XXYLT1: variants seen among roughly 807,000 people sequenced by gnomAD.
XXYLT1 encodes UDP-xylose:alpha-xyloside alpha-1,3-xylosyltransferase.
A neutral mutation model predicts 28.9 loss-of-function variants in XXYLT1; 20 were observed. The observed-to-expected ratio is 0.69, with a 90% confidence interval of 0.49 to 1.00. XXYLT1 has a LOEUF of 1.00. Ranked by LOEUF, XXYLT1 falls within the 50% of genes least tolerant of loss-of-function variation. The pLI is 0.00. For missense variants in XXYLT1, 542 were observed against 560.1 expected, an observed-to-expected ratio of 0.97 and a Z score of 0.33; for synonymous variants, 257 against 253.8, an observed-to-expected ratio of 1.01 and a Z score of -0.12.
Position 195,115,337 on chromosome 3 carries a change from T to C in XXYLT1, c.785+41112A>G, listed in dbSNP as rs1317320704. 6.6e-6 allele frequency among the ~76,000 whole-genome samples: 1 copy of C among 152,106 alleles called. No individual in the cohort carries two copies. Among genetic ancestry groups the C allele is most frequent in the Non-Finnish European group, 1.5e-5 (1 of 68,014 alleles). ...AACTCCATAATCCTCAGACCTCAAC[T>C]TAGACTGTTCATCCTTCAGCCTCCT... On this transcript the variant is annotated intron_variant, in intron 3 of 3. Coordinates refer to ENST00000310380, the MANE Select transcript of XXYLT1 (RefSeq NM_152531.5). This position sits in a 1 kb window ranked among gnomAD's most constrained non-coding sequence, Gnocchi z 4.2.
intron 3 of XXYLT1, among the ~76,000 whole-genome samples, chr3:195,081,546 C>T (rs1715435405): frequency 6.6e-6 from 1 of 151,860 alleles, no homozygotes; most frequent in Non-Finnish European, 1.5e-5. Flanking sequence ...AGTGCACATA[C>T]AGGTTAAGAA....
At chr3:195,270,508 G>A (rs772875228) in intron 1 of XXYLT1, 47 bp downstream of exon 1, 1 of 1,359,090 alleles carries the variant, frequency 7.4e-7, no homozygotes, top group Admixed American at 3.7e-5. Flanking sequence ...CCTCGCCTAG[G>A]ATGGGGTGGG....
At chr3:195,112,953 A>T (rs1451517341) in intron 3 of XXYLT1, among the ~76,000 whole-genome samples, 1 of 152,224 alleles carries the variant, frequency 6.6e-6, no homozygotes, top group East Asian at 1.9e-4. Context: ...TCAAGAGAAC[A>T]TGGGTTTCAA....
At chr3:195,204,816 G>T (rs1723004197) in intron 2 of XXYLT1, among the ~76,000 whole-genome samples, 1 of 152,184 alleles carries the variant, frequency 6.6e-6, no homozygotes. Context: ...GTGAATAAAT[G>T]TCTACAGCCC....
At position 195,270,660 on chromosome 3, in the gene XXYLT1, C is replaced by T. The variant is rs1725992538; in HGVS notation, c.399G>A (p.Ala133=). 6.3e-7 allele frequency: 1 copy of T among 1,580,012 alleles called. No homozygotes were observed. The change falls in exon 1 of 4, where the codon GCG becomes GCA. Residue 133 remains alanine (A), a synonymous_variant. Coordinates refer to ENST00000310380, the MANE Select transcript of XXYLT1 (RefSeq NM_152531.5). ...CGAAGTGAAGGTTAAGCACCTCGTG[C>T]GCCTCGAACTTGGCGAGGCGCAGCA... is the stretch of plus-strand genomic sequence containing the variant. ...RSLLRLAKFE[A]HEVLNLHFVS...
chr3:195,198,522 G>A (rs912876783), intron 2 of XXYLT1, among the ~76,000 whole-genome samples: 4 of 152,098 alleles, frequency 2.6e-5, no homozygotes, highest in Admixed American at 2.6e-4. Flanking sequence ...CTTCCCAACC[G>A]AAGCCACCCT....
At chr3:195,224,596 T>G (rs866565615) in intron 2 of XXYLT1, among the ~76,000 whole-genome samples, 1 of 152,146 alleles carries the variant, frequency 6.6e-6, no homozygotes, top group Non-Finnish European at 1.5e-5. Flanking sequence ...GTATTTCACC[T>G]CCTGCTGGGT....
intron 1 of XXYLT1, among the ~76,000 whole-genome samples, chr3:195,233,909 C>T (rs571447568): frequency 6.6e-6 from 1 of 152,118 alleles, no homozygotes; most frequent in South Asian, 2.1e-4. Flanking sequence ...ATCCCTTTAG[C>T]ATTTTTGTTT....
chr3:195,100,111 C>CT (rs1172047899), intron 3 of XXYLT1, among the ~76,000 whole-genome samples: 1 of 152,162 alleles, frequency 6.6e-6, no homozygotes, highest in Non-Finnish European at 1.5e-5. Flanking sequence ...ATAAAGCTGT[C>CT]TGAGATCCTG....
intron 2 of XXYLT1, among the ~76,000 whole-genome samples, chr3:195,206,676 GGA>G (rs1723085785): frequency 6.6e-6 from 1 of 151,938 alleles, no homozygotes; most frequent in African/African-American, 2.4e-5. Flanking sequence ...GGCTGAGGCA[GGA>G]GAGTCACTTG....
chr3:195,158,152 C>T (rs1025877707), intron 2 of XXYLT1, among the ~76,000 whole-genome samples: 3 of 152,196 alleles, frequency 2.0e-5, no homozygotes, highest in African/African-American at 7.2e-5. Context: ...AAGCCCACCA[C>T]CTGCTACAGG....
intron 1 of XXYLT1, chr3:195,260,227 G>A (rs1288749024): frequency 6.6e-6 from 1 of 150,550 alleles, no homozygotes; most frequent in Non-Finnish European, 1.5e-5. Context: ...GGCCGCGCGG[G>A]GCACTGCACT....
chr3:195,232,675 G>T (rs1478299409), intron 1 of XXYLT1, among the ~76,000 whole-genome samples: 2 of 152,062 alleles, frequency 1.3e-5, no homozygotes, highest in Non-Finnish European at 2.9e-5. Context: ...CAGTTTCCAT[G>T]TGTTTGTATA....
chr3:195,082,435 G>A (rs1175192634), intron 3 of XXYLT1, among the ~76,000 whole-genome samples: 1 of 152,192 alleles, frequency 6.6e-6, no homozygotes, highest in East Asian at 1.9e-4. Context: ...GGAGCAGGAA[G>A]GAGGAATAGG....
At chr3:195,219,580 A>G (rs1723730658) in intron 2 of XXYLT1, among the ~76,000 whole-genome samples, 3 of 152,220 alleles carry the variant, frequency 2.0e-5, no homozygotes, top group Admixed American at 6.5e-5. Context: ...GCCTGCAGGC[A>G]TTCTGGCCCT....
intron 2 of XXYLT1, among the ~76,000 whole-genome samples, chr3:195,200,168 G>A (rs114323759): frequency 7.9e-4 from 121 of 152,284 alleles, no homozygotes; most frequent in African/African-American, 2.8e-3. Flanking sequence ...CAAATCTCGC[G>A]CTCTAGAAAG....
At chr3:195,265,476 T>G (rs1725820079) in intron 1 of XXYLT1, among the ~76,000 whole-genome samples, 2 of 152,116 alleles carry the variant, frequency 1.3e-5, no homozygotes, top group African/African-American at 2.4e-5. Flanking sequence ...CAGTTAAGAT[T>G]TGAGCTGATA....
intron 3 of XXYLT1, among the ~76,000 whole-genome samples, chr3:195,083,580 T>C (rs1454835798): frequency 6.6e-6 from 1 of 152,132 alleles, no homozygotes; most frequent in Admixed American, 6.5e-5. Context: ...ACAAGCACCA[T>C]GCCCAGAAAA....
At chr3:195,234,127 C>A (rs192703604) in intron 1 of XXYLT1, among the ~76,000 whole-genome samples, 68 of 151,316 alleles carry the variant, frequency 4.5e-4, no homozygotes, top group Admixed American at 2.6e-3. Context: ...CCATGTTAGC[C>A]AGGATGGTCT....
Sources: allele counts gnomAD v4.1 joint callset (sites outside exome capture counted in the v4.1 genomes callset), GRCh38; gene constraint gnomAD v4.1.1; non-coding constraint Gnocchi (gnomAD v3.1); transcripts MANE v1.5; gene names NCBI Gene and HGNC (gene_info 2026-07-23, HGNC 2026-07-21).